ANK3: variants seen among roughly 807,000 people sequenced by gnomAD.
ANK3 encodes the protein ankyrin-3.
A neutral mutation model predicts 370.9 loss-of-function variants in ANK3; 57 were observed. The ratio of observed to expected loss-of-function variants is 0.15; its 90% CI spans 0.12 to 0.19. The LOEUF (loss-of-function observed/expected upper bound fraction) is 0.19, where lower values mean the gene tolerates loss of function less well. Among genes scored for constraint, ANK3 ranks in the 10% least tolerant of loss-of-function variants. The pLI, the probability that ANK3 is intolerant of heterozygous loss-of-function variation, is 1.00. For synonymous variants in ANK3, 1,929 were observed against 1,946.3 expected, an observed-to-expected ratio of 0.99 and a Z score of 0.23; for missense variants, 4,439 against 5,302.1, an observed-to-expected ratio of 0.84 and a Z score of 5.06.
At chr10:60,154,609 C>T (rs2095267886) in intron 23 of ANK3, among the ~76,000 whole-genome samples, 1 of 152,096 alleles carries the variant, frequency 6.6e-6, no homozygotes, top group Non-Finnish European at 1.5e-5. Context: ...GCCTGGCCAA[C>T]ATGGTGAAAT....
chr10:60,076,992 C>T lies in ANK3; in HGVS notation c.4433-544G>A, dbSNP rs141954581. On this transcript the variant is annotated intron_variant, in intron 36 of 43. Transcript: ENST00000280772. Reference sequence around the variant, plus strand: ...AACCATTTCAATATATGTAGCTATACATTAAATATCTAAAACTTTTTTCCA... The same window carrying T: ...AACCATTTCAATATATGTAGCTATATATTAAATATCTAAAACTTTTTTCCA... Among the ~76,000 whole-genome samples, 180 of 152,306 alleles carry T rather than the reference C, an allele frequency of 1.2e-3. 1 individual carries two copies. Among genetic ancestry groups the T allele is most frequent in the African/African-American group, 4.1e-3 (171 of 41,574 alleles).
chr10:60,361,243 T>G (rs1035638807), intron 1 of ANK3, among the ~76,000 whole-genome samples: 5 of 152,232 alleles, frequency 3.3e-5, no homozygotes, highest in Non-Finnish European at 5.9e-5. Context: ...TATTTTCCAC[T>G]TGAGTTATCG....
chr10:60,388,981 G>A (rs965279751), intron 1 of ANK3, among the ~76,000 whole-genome samples: 3 of 152,112 alleles, frequency 2.0e-5, no homozygotes, highest in Non-Finnish European at 2.9e-5. Flanking sequence ...CCTGGGAAAC[G>A]CACGCATGTG....
Position 60,071,317 on chromosome 10 carries a change from C to T in ANK3, c.9564G>A (p.Ser3188=), listed in dbSNP as rs754783156. 3.3e-5 allele frequency: 54 copies of T among 1,613,920 alleles called. No individual in the cohort carries two copies. Among genetic ancestry groups the T allele is most frequent in the Admixed American group, 6.7e-5 (4 of 59,982 alleles). Residue 3188 remains serine, a synonymous_variant, in exon 37 of 44, where the codon TCG becomes TCA. Coordinates refer to ENST00000280772, the MANE Select transcript of ANK3 (RefSeq NM_020987.5). ...SYEFTSKTPD[S]LIAYIPGKPS... is the part of the protein sequence containing the mutation. ...GTTTGCCTGGTATATAAGCTATGAGCGAGTCAGGTGTCTTAGATGTAAATT... is the reference window on the plus strand; with the variant it reads ...GTTTGCCTGGTATATAAGCTATGAGTGAGTCAGGTGTCTTAGATGTAAATT...
chr10:60,498,387 CTTTTTA>C (rs1166385509), intron 2 of ANK3, among the ~76,000 whole-genome samples: 2 of 152,086 alleles, frequency 1.3e-5, no homozygotes, highest in Non-Finnish European at 1.5e-5. Context: ...ACTTCATGAC[CTTTTTA>C]TTTTTATTTT....
At position 60,357,191 on chromosome 10, in the gene ANK3, C is replaced by G. The variant is rs114390059; in HGVS notation, c.114+32234G>C. ...GGCTCTGGCCTCTTACATCCTTGAC[C>G]TCCTTCACTCCAAGGCTCTTTCTCC... is the stretch of plus-strand genomic sequence containing the variant. On this transcript the variant is annotated intron_variant, in intron 1 of 43. Coordinates refer to ENST00000280772, the MANE Select transcript of ANK3 (RefSeq NM_020987.5). Among the ~76,000 whole-genome samples the G allele has an allele frequency of 3.7e-3, 563 of 152,278 alleles. 4 individuals are homozygous for G. The highest frequency in any genetic ancestry group is 0.013 in the African/African-American group (536 of 41,556).
intron 2 of ANK3, among the ~76,000 whole-genome samples, chr10:60,583,873 G>A (rs2077793457): frequency 6.6e-6 from 1 of 151,812 alleles, no homozygotes; most frequent in South Asian, 2.1e-4. Flanking sequence ...CATGAGCCAC[G>A]GCGCCCAGCC....
intron 1 of ANK3, among the ~76,000 whole-genome samples, chr10:60,703,268 G>C (rs1197921763): frequency 1.3e-5 from 2 of 152,146 alleles, no homozygotes; most frequent in Non-Finnish European, 2.9e-5. Flanking sequence ...GAAGATTTAG[G>C]TATTGTAAGG....
At position 60,675,855 on chromosome 10, in the gene ANK3, G is replaced by A. The variant is rs780236932; in HGVS notation, c.57+57408C>T. On this transcript the variant is annotated intron_variant, in intron 1 of 43. Transcript: ENST00000373827. ...AAAGATATGCAAAGGTCAATTCACC[G>A]TCACACTTCTCTACACATTTGGGGC... Among the ~76,000 whole-genome samples, 7 of 152,076 alleles carry A rather than the reference G, an allele frequency of 4.6e-5. No homozygotes were observed. The South Asian group carries it at 8.3e-4, about 18-fold the overall frequency.
chr10:60,566,416 G>A (rs2077462222), intron 2 of ANK3, among the ~76,000 whole-genome samples: 2 of 152,184 alleles, frequency 1.3e-5, no homozygotes, highest in African/African-American at 2.4e-5. Flanking sequence ...AGCTGAGACA[G>A]ACCAAAAACT....
intron 12 of ANK3, 146 bp from the exon 13 acceptor site, chr10:60,200,373 C>A (rs1213406959): frequency 4.2e-6 from 3 of 706,870 alleles, no homozygotes; most frequent in African/African-American, 3.5e-5. Context: ...AAATCAAATG[C>A]ATGAGAATTT....
At chr10:60,347,968 G>A (rs1471014028) in intron 1 of ANK3, among the ~76,000 whole-genome samples, 1 of 152,128 alleles carries the variant, frequency 6.6e-6, no homozygotes, top group Non-Finnish European at 1.5e-5. Flanking sequence ...TGAGTCTCAG[G>A]TGTGACTTTG....
At chr10:60,547,951 A>C (rs2077005567) in intron 2 of ANK3, among the ~76,000 whole-genome samples, 2 of 152,180 alleles carry the variant, frequency 1.3e-5, no homozygotes, top group South Asian at 4.1e-4. Context: ...ATTTCCTTTC[A>C]GTAGAAATTA....
chr10:60,214,340 T>C (rs1031300411), intron 8 of ANK3, among the ~76,000 whole-genome samples: 9 of 152,292 alleles, frequency 5.9e-5, no homozygotes, highest in Admixed American at 2.6e-4. Flanking sequence ...CTGAATTCCA[T>C]GTGAAAAATT....
chr10:60,281,449 C>T (rs1263419584), intron 1 of ANK3, among the ~76,000 whole-genome samples: 1 of 152,182 alleles, frequency 6.6e-6, no homozygotes, highest in Non-Finnish European at 1.5e-5. Context: ...AGAACCACTG[C>T]TTTAAATAAA....
intron 17 of ANK3, 107 bp from the exon 18 acceptor site, chr10:60,181,534 CTA>C (rs2096187615): frequency 9.4e-7 from 1 of 1,059,514 alleles, no homozygotes; most frequent in Non-Finnish European, 1.4e-6. Flanking sequence ...CCGAGAATTT[CTA>C]TGTTAGAAAA....
At chr10:60,530,713 A>C (rs1371881145) in intron 2 of ANK3, among the ~76,000 whole-genome samples, 1 of 152,124 alleles carries the variant, frequency 6.6e-6, no homozygotes, top group African/African-American at 2.4e-5. Flanking sequence ...ACGCACACAC[A>C]GGGTTTTGGA....
chr10:60,178,700 C>A (rs2096052283), intron 18 of ANK3, among the ~76,000 whole-genome samples: 1 of 152,150 alleles, frequency 6.6e-6, no homozygotes, highest in Admixed American at 6.5e-5. Context: ...GCTTTTTATG[C>A]TTTTACACAC....
chr10:60,547,386 C>A (rs1206043267), intron 2 of ANK3, among the ~76,000 whole-genome samples: 1 of 151,822 alleles, frequency 6.6e-6, no homozygotes, highest in African/African-American at 2.4e-5. Context: ...CCATCGCTCC[C>A]GGTCCTTTTC....
Sources: allele counts gnomAD v4.1 joint callset (sites outside exome capture counted in the v4.1 genomes callset), GRCh38; gene constraint gnomAD v4.1.1; transcripts MANE v1.5; gene names NCBI Gene and HGNC (gene_info 2026-07-23, HGNC 2026-07-21).